ADAM9: variants seen among roughly 807,000 people sequenced by gnomAD.
ADAM9 encodes ADAM metallopeptidase domain 9.
A neutral mutation model predicts 108.1 loss-of-function variants in ADAM9; 54 were observed. The ratio of observed to expected loss-of-function variants is 0.50; its 90% CI spans 0.40 to 0.63. The LOEUF (loss-of-function observed/expected upper bound fraction) is 0.63. ADAM9 is among the 20% of genes least tolerant of loss of function. The pLI, the probability that ADAM9 is intolerant of heterozygous loss-of-function variation, is 0.00. For missense variants in ADAM9, 830 were observed against 997.7 expected, an observed-to-expected ratio of 0.83 and a Z score of 2.26; for synonymous variants, 316 against 336.0, an observed-to-expected ratio of 0.94 and a Z score of 0.65.
chr8:39,014,090 T>A, intron 4 of ADAM9, 47 bp downstream of exon 4: 1 of 1,525,940 alleles, frequency 6.6e-7, no homozygotes, highest in South Asian at 1.1e-5. Context: ...AAAACAATTA[T>A]AATTTAAAAA....
intron 11 of ADAM9, among the ~76,000 whole-genome samples, chr8:39,031,499 A>C (rs1317587954): frequency 6.6e-6 from 1 of 152,190 alleles, no homozygotes; most frequent in Non-Finnish European, 1.5e-5. Flanking sequence ...CAGCTCCATC[A>C]GGCCATTTAA....
intron 1 of ADAM9, among the ~76,000 whole-genome samples, chr8:38,998,816 A>G (rs1175845260): frequency 6.6e-6 from 1 of 152,176 alleles, no homozygotes; most frequent in Non-Finnish European, 1.5e-5. Context: ...TAAAAATGTC[A>G]ATATGTCTTC....
chr8:39,103,463 C>A (rs1839763410), intron 21 of ADAM9, 144 bp from the exon 22 acceptor site: 2 of 726,554 alleles, frequency 2.8e-6, no homozygotes, highest in South Asian at 1.9e-5. Flanking sequence ...CATTGAATAT[C>A]ACCCTAATAC....
intron 15 of ADAM9, among the ~76,000 whole-genome samples, chr8:39,075,305 C>A (rs559458740): frequency 6.6e-6 from 1 of 152,272 alleles, no homozygotes; most frequent in African/African-American, 2.4e-5. Flanking sequence ...GCTGGGTAGT[C>A]TTATTAATAT....
At chr8:39,097,444 A>C (rs1839544294) in intron 20 of ADAM9, among the ~76,000 whole-genome samples, 1 of 151,796 alleles carries the variant, frequency 6.6e-6, no homozygotes, top group Non-Finnish European at 1.5e-5. Context: ...GTAGCTGGGA[A>C]TACAGGCATG....
At chr8:39,061,811 C>T (rs1321980378) in intron 14 of ADAM9, among the ~76,000 whole-genome samples, 2 of 152,140 alleles carry the variant, frequency 1.3e-5, no homozygotes, top group African/African-American at 4.8e-5. Flanking sequence ...TCTTAAAGGT[C>T]CCACCTCTTA....
chr8:39,049,323 A>C (rs1357268070), intron 12 of ADAM9, among the ~76,000 whole-genome samples: 1 of 151,952 alleles, frequency 6.6e-6, no homozygotes, highest in Non-Finnish European at 1.5e-5. Flanking sequence ...GCTGATAACA[A>C]CTTAACCTCA....
chr8:39,047,357 G>C (rs1305540249), intron 12 of ADAM9, among the ~76,000 whole-genome samples: 1 of 152,156 alleles, frequency 6.6e-6, no homozygotes, highest in Non-Finnish European at 1.5e-5. Flanking sequence ...TATTTTTTGG[G>C]TGAATTTTTA....
At chr8:39,063,251 T>A (rs1178333411) in intron 14 of ADAM9, among the ~76,000 whole-genome samples, 6 of 152,266 alleles carry the variant, frequency 3.9e-5, no homozygotes. Context: ...AGGGGCATTT[T>A]CTATGACTTG....
intron 15 of ADAM9, among the ~76,000 whole-genome samples, chr8:39,075,099 G>T (rs1838812820): frequency 6.6e-6 from 1 of 151,796 alleles, no homozygotes; most frequent in South Asian, 2.1e-4. Context: ...TAGAGATGGG[G>T]TTTCCCTATG....
In ADAM9 at chr8:38,997,092, G is replaced by T. The variant is rs764821640; in HGVS notation, c.29G>T (p.Gly10Val). 1 of 1,607,282 alleles carries T rather than the reference G, an allele frequency of 6.2e-7. No individual in the cohort carries two copies. The highest frequency in any genetic ancestry group is 8.5e-7 in the Non-Finnish European group (1 of 1,179,626). ...GGGTCTGGCGCGCGCTTTCCCTCGGGGACCCTTCGTGTCCGGTGGTTGCTG... is the reference window on the plus strand; with the variant it reads ...GGGTCTGGCGCGCGCTTTCCCTCGGTGACCCTTCGTGTCCGGTGGTTGCTG... MGSGARFPS[G>V]TLRVRWLLLL... The change falls in exon 1 of 22, where the codon GGG becomes GTG. Residue 10 changes from glycine to valine, a missense_variant. Around this residue, in one of 3 missense-constraint regions of ADAM9, gnomAD observed 211 missense variants for 222.2 expected, o/e 0.95. Coordinates refer to ENST00000487273, the MANE Select transcript of ADAM9 (RefSeq NM_003816.3).
chr8:39,016,891 G>T, intron 5 of ADAM9: 1 of 346,534 alleles, frequency 2.9e-6, no homozygotes, highest in Non-Finnish European at 5.5e-6. Context: ...GAGTCCTGCA[G>T]CTAGTAGAAG....
chr8:39,049,690 C>T (rs1057288270), intron 12 of ADAM9, among the ~76,000 whole-genome samples: 13 of 152,084 alleles, frequency 8.5e-5, no homozygotes, highest in East Asian at 3.9e-4. Flanking sequence ...CTGCCTGCCT[C>T]GGCCTCCCAA....
chr8:39,020,254 A>AAAAAC (rs1342224734), intron 7 of ADAM9, among the ~76,000 whole-genome samples: 3 of 152,238 alleles, frequency 2.0e-5, no homozygotes, highest in Admixed American at 6.5e-5. Flanking sequence ...TTCATCTCAA[A>AAAAAC]AAAACAAAAC....
intron 11 of ADAM9, among the ~76,000 whole-genome samples, chr8:39,029,090 C>A (rs1266139417): frequency 2.0e-5 from 3 of 150,210 alleles, no homozygotes; most frequent in Non-Finnish European, 3.0e-5. Context: ...TTAAGGTATC[C>A]ATCATTTTCC....
At chr8:39,045,278 A>G (rs554519662) in intron 12 of ADAM9, among the ~76,000 whole-genome samples, 11 of 140,482 alleles carry the variant, frequency 7.8e-5, no homozygotes, top group South Asian at 2.2e-4. Context: ...ATACATACAT[A>G]TGTATATGTG....
chr8:38,999,025 T>C (rs534774048), intron 1 of ADAM9, among the ~76,000 whole-genome samples: 1 of 152,150 alleles, frequency 6.6e-6, no homozygotes, highest in Non-Finnish European at 1.5e-5. Flanking sequence ...GGATAGAATC[T>C]AGGAGGGAGA....
chr8:39,081,502 C>A (rs1386979112), intron 16 of ADAM9, among the ~76,000 whole-genome samples: 1 of 152,072 alleles, frequency 6.6e-6, no homozygotes, highest in Non-Finnish European at 1.5e-5. Flanking sequence ...TAAAGACTTG[C>A]GGATGTAAGA....
chr8:39,088,826 A>G (rs904325952), intron 18 of ADAM9, among the ~76,000 whole-genome samples: 6 of 152,350 alleles, frequency 3.9e-5, no homozygotes, highest in African/African-American at 1.4e-4. Flanking sequence ...AATATTTCCA[A>G]CTTGTATCAT....
Sources: gnomAD v4.1 joint callset for allele counts (sites outside exome capture counted in the v4.1 genomes callset) on GRCh38, gnomAD v4.1.1 for gene constraint, gnomAD v4.1.1 regional missense constraint, MANE v1.5 for transcripts, NCBI Gene and HGNC (gene_info 2026-07-23, HGNC 2026-07-21) for gene names.